Variants in HSPA12A observed in about 807,000 individuals in gnomAD.
HSPA12A encodes heat shock 70 kDa protein 12A.
In HSPA12A, 28 loss-of-function variants were observed where a neutral mutation model predicts 69.2. That is an observed-to-expected ratio of 0.40 (90% CI 0.30 to 0.55). The LOEUF is 0.55. HSPA12A is among the 20% of genes least tolerant of loss of function. The probability of loss-of-function intolerance (pLI) is 0.38; values close to 1 mark genes in which losing one functional copy is unlikely to be tolerated. For missense variants in HSPA12A, 686 were observed against 900.7 expected (o/e 0.76, Z 3.05); for synonymous variants, 345 against 370.5 (o/e 0.93, Z 0.79).
At chr10:116,741,263 G>T (rs971974008) in intron 1 of HSPA12A, among the ~76,000 whole-genome samples, 4 of 152,264 alleles carry the variant, frequency 2.6e-5, no homozygotes, top group Non-Finnish European at 5.9e-5. Context: ...GTGCAGCAGA[G>T]GGTGGGGGCC....
At chr10:116,849,437 C>T (rs1845984414) in intron 1 of HSPA12A, 2 of 1,290,444 alleles carry the variant, frequency 1.5e-6, no homozygotes, top group African/African-American at 1.5e-5. Context: ...ACGACTTTTA[C>T]CGCAGGAAGA....
upstream of HSPA12A, among the ~76,000 whole-genome samples, chr10:116,743,365 G>T (rs1351910054): frequency 6.6e-6 from 1 of 152,226 alleles, no homozygotes; most frequent in South Asian, 2.1e-4. Context: ...TGGGTCCGCG[G>T]TGTCACCACC....
At chr10:116,757,710 T>A (rs1338358451) in intron 2 of HSPA12A, among the ~76,000 whole-genome samples, 9 of 152,180 alleles carry the variant, frequency 5.9e-5, no homozygotes, top group Non-Finnish European at 1.0e-4. Flanking sequence ...ACCTGTAAAA[T>A]GGGAATAATA....
rs782295674 is a variant in HSPA12A at position 116,675,329 on chromosome 10, C to T, written c.1480G>A (p.Val494Met). 1.2e-5 allele frequency: 20 copies of T among 1,613,014 alleles called. No individual in the cohort carries two copies. The highest frequency in any genetic ancestry group is 1.7e-5 in the Non-Finnish European group (20 of 1,179,966). ...CACTGGTCCCCAAAAGCAGCCTGCA[C>T]CGCCTGCTGCAGCAGGGGCGCCTCG... Reference protein sequence around the residue: ...FAEAPLLQQAVQAAFGDQCRI... With the variant: ...FAEAPLLQQAMQAAFGDQCRI... The change falls in exon 12 of 12, where the codon GTG (valine) becomes ATG (methionine). Residue 494 changes from valine to methionine, a missense_variant. Coordinates refer to ENST00000369209, the MANE Select transcript of HSPA12A (RefSeq NM_025015.3). The surrounding 1 kb of genome is among the most constrained non-coding windows in gnomAD (Gnocchi z 5.2).
intron 2 of HSPA12A, among the ~76,000 whole-genome samples, chr10:116,773,311 C>T (rs552494807): frequency 6.6e-6 from 1 of 152,328 alleles, no homozygotes; most frequent in East Asian, 1.9e-4. Flanking sequence ...CATGGTAGCA[C>T]AGAAGAAGGC....
chr10:116,735,372 T>C (rs782235857), intron 1 of HSPA12A, among the ~76,000 whole-genome samples: 140 of 152,354 alleles, frequency 9.2e-4, no homozygotes, highest in Non-Finnish European at 4.6e-4. Context: ...GCTTCAAGAC[T>C]TGCTGTGACC....
At chr10:116,765,993 C>A (rs972109425) in intron 2 of HSPA12A, among the ~76,000 whole-genome samples, 2 of 152,224 alleles carry the variant, frequency 1.3e-5, no homozygotes. Flanking sequence ...GTGGCTCCAA[C>A]GCACGGATGA....
At chr10:116,701,157 G>C in intron 3 of HSPA12A, 28 bp from the exon 4 acceptor site, 6 of 1,606,630 alleles carry the variant, frequency 3.7e-6, no homozygotes, top group Non-Finnish European at 5.1e-6. Flanking sequence ...AGAAGTTATG[G>C]GGCCTTCTTT....
At chr10:116,768,911 A>C (rs138671074) in intron 2 of HSPA12A, among the ~76,000 whole-genome samples, 48 of 152,236 alleles carry the variant, frequency 3.2e-4, no homozygotes, top group African/African-American at 1.1e-3. Flanking sequence ...TTTAACTCCA[A>C]GTCTCTGCTT....
At chr10:116,828,316 A>G (rs539735006) in intron 2 of HSPA12A, among the ~76,000 whole-genome samples, 1 of 152,228 alleles carries the variant, frequency 6.6e-6, no homozygotes, top group African/African-American at 2.4e-5. Flanking sequence ...GCTTTACTGC[A>G]TGTGAATTAC....
intron 1 of HSPA12A, among the ~76,000 whole-genome samples, chr10:116,719,438 G>A (rs1338714294): frequency 6.6e-6 from 1 of 152,232 alleles, no homozygotes; most frequent in Non-Finnish European, 1.5e-5. Context: ...CTCCGTCCTT[G>A]AGGGGGTCCA....
chr10:116,713,011 T>TATATATATATATATATATATATATA (rs1554883335), intron 1 of HSPA12A, among the ~76,000 whole-genome samples: 190 of 130,898 alleles, frequency 1.5e-3, no homozygotes, highest in Non-Finnish European at 1.7e-3. Flanking sequence ...TATATATATA[T>TATATATATATATATATATATATATA]TTGCATTTCT....
At chr10:116,765,428 A>T (rs1483080608) in intron 2 of HSPA12A, among the ~76,000 whole-genome samples, 2 of 152,232 alleles carry the variant, frequency 1.3e-5, no homozygotes, top group Non-Finnish European at 2.9e-5. Context: ...AAGGCCAGCA[A>T]GAAGGAGCTC....
chr10:116,740,587 G>A (rs1211197960), intron 1 of HSPA12A, among the ~76,000 whole-genome samples: 2 of 151,856 alleles, frequency 1.3e-5, no homozygotes, highest in Non-Finnish European at 2.9e-5. Context: ...CAGGTGGCTC[G>A]GCACACCAGG....
At position 116,672,931 on chromosome 10, in the gene HSPA12A, A is replaced by G. The variant is rs1210451281; in HGVS notation, c.*1850T>C. ...TTCTGTGGTTTGTTCGTTGTTTCAC[A>G]TTCTAGTAGGGAATTCTGCAGCAGG... On this transcript the variant is annotated 3_prime_UTR_variant, in exon 12 of 12. Transcript: ENST00000369209. 2.0e-5 allele frequency: 3 copies of G among 152,660 alleles called. No individual in the cohort carries two copies. The highest frequency in any genetic ancestry group is 2.1e-4 in the South Asian group (1 of 4,830). 9.5% of individuals were successfully genotyped at this position (152,660 alleles called of 1,614,324 possible). A position where few individuals can be genotyped will look rare whatever the true frequency, so the allele number is the denominator to read the frequency against.
intron 2 of HSPA12A, chr10:116,751,120 G>T: frequency 5.7e-6 from 1 of 174,434 alleles, no homozygotes. Context: ...ATGAAGAAAA[G>T]GAAGAGAGAA....
chr10:116,839,940 A>T (rs1845778933), intron 1 of HSPA12A, among the ~76,000 whole-genome samples: 1 of 151,766 alleles, frequency 6.6e-6, no homozygotes, highest in Non-Finnish European at 1.5e-5. Flanking sequence ...TTGGGGCTTG[A>T]AAGAATGTGA....
intron 10 of HSPA12A, 89 bp from the exon 11 acceptor site, chr10:116,676,591 A>G: frequency 9.8e-7 from 1 of 1,024,644 alleles, no homozygotes; most frequent in Non-Finnish European, 1.5e-6. Context: ...CTGGCAGAAC[A>G]TCTGTCACTT....
chr10:116,734,648 A>C (rs1554886257), intron 1 of HSPA12A, among the ~76,000 whole-genome samples: 1 of 87,838 alleles, frequency 1.1e-5, no homozygotes, highest in African/African-American at 3.6e-5. Context: ...ACAGATTTTC[A>C]GCTTTTTTTT....
Sources: gnomAD v4.1 joint callset for allele counts (sites outside exome capture counted in the v4.1 genomes callset) on GRCh38, gnomAD v4.1.1 for gene constraint, Gnocchi (gnomAD v3.1) non-coding constraint, MANE v1.5 for transcripts, NCBI Gene and HGNC (gene_info 2026-07-23, HGNC 2026-07-21) for gene names.